Variants in RYR1 observed in about 807,000 individuals in gnomAD.
RYR1 encodes central core disease of muscle.
In RYR1, 342 loss-of-function variants were observed where a neutral mutation model predicts 583.5. The ratio of observed to expected loss-of-function variants is 0.59; its 90% CI spans 0.54 to 0.64. The LOEUF is 0.64. Among genes scored for constraint, RYR1 ranks in the 30% least tolerant of loss-of-function variants. The pLI is 0.00. For missense variants in RYR1, 6,032 were observed against 6,917.2 expected (o/e 0.87, Z 4.54); for synonymous variants, 2,791 against 2,822.5 (o/e 0.99, Z 0.35).
In RYR1 at chr19:38,585,075, G is replaced by A. The variant is rs193922892; in HGVS notation, c.14779G>A (p.Val4927Ile). 10 of 1,613,674 alleles carry A rather than the reference G, an allele frequency of 6.2e-6. No individual in the cohort carries two copies. Among genetic ancestry groups the A allele is most frequent in the Middle Eastern group, 1.6e-4 (1 of 6,084 alleles). ...FDITFFFFVI[V>I]ILLAIIQGLI... ...CATCACCTTCTTCTTCTTCGTCATC[G>A]TCATCCTGTTGGCCATCATCCAGGG... The change falls in exon 102 of 106, where the codon GTC (valine) becomes ATC (isoleucine). Residue 4927 changes from valine (V) to isoleucine (I), a missense_variant. Physicochemically the swap from Val to Ile is conservative, Grantham distance 29. Around this residue, in one of 11 missense-constraint regions of RYR1, gnomAD observed 189 missense variants for 350.3 expected, o/e 0.54. Transcript: ENST00000359596.
chr19:38,535,491 A>G (rs1193905691), intron 81 of RYR1, 99 bp downstream of exon 81: 5 of 915,072 alleles, frequency 5.5e-6, no homozygotes, highest in Non-Finnish European at 7.4e-6. Context: ...CTTTCAGTCC[A>G]GGGAAAGAGA....
chr19:38,463,622 G>A, intron 21 of RYR1, 95 bp downstream of exon 21: 1 of 1,456,208 alleles, frequency 6.9e-7, no homozygotes. Flanking sequence ...GGGACCACAG[G>A]GCACCAGGGG....
rs745957397 is a variant in RYR1, at chr19:38,561,333, G to T, written c.12503G>T (p.Ser4168Ile). The T allele has an allele frequency of 7.4e-6, 12 of 1,613,960 alleles. No individual in the cohort carries two copies. Among genetic ancestry groups the T allele is most frequent in the Non-Finnish European group, 9.3e-6 (11 of 1,180,032 alleles). ...CACAACTTCCTGGAGCTGGCCGAGA[G>T]CATCCTTGAGTACTTCCGCCCCTAC... ...RLHNFLELAE[S>I]ILEYFRPYLG... The change falls in exon 90 of 106, where the codon AGC becomes ATC. Residue 4168 changes from serine (S) to isoleucine (I), a missense_variant. Physicochemically the swap from Ser to Ile is moderately radical, Grantham distance 142. This residue lies in a region of RYR1 where 753 missense variants were observed against 759.6 expected (regional missense o/e 0.99). Transcript: ENST00000359596. This position sits in a 1 kb window ranked among gnomAD's most constrained non-coding sequence, Gnocchi z 4.8.
intron 33 of RYR1, 104 bp from the exon 34 acceptor site, chr19:38,485,486 T>A (rs1379795442): frequency 2.7e-6 from 4 of 1,476,318 alleles, no homozygotes; most frequent in Non-Finnish European, 3.7e-6. Context: ...GACGAATGAA[T>A]AAATGGGTGG....
intron 90 of RYR1, among the ~76,000 whole-genome samples, chr19:38,562,457 A>G (rs1216466151): frequency 6.6e-6 from 1 of 151,904 alleles, no homozygotes; most frequent in Non-Finnish European, 1.5e-5. Context: ...GTTGTTCCTC[A>G]GATGCCGCCA....
At chr19:38,527,174 A>G in intron 72 of RYR1, 122 bp downstream of exon 72, 1 of 1,119,452 alleles carries the variant, frequency 8.9e-7, no homozygotes, top group Non-Finnish European at 1.3e-6. Flanking sequence ...CAGGAGTTTG[A>G]GACCAGCCTG....
In RYR1 at chr19:38,502,618, G is replaced by A. The variant is rs767394054; in HGVS notation, c.7726G>A (p.Ala2576Thr). 3.1e-6 allele frequency: 5 copies of A among 1,612,858 alleles called. No homozygotes were observed. In the South Asian group the frequency reaches 3.3e-5, roughly 11 times the overall value. ...GCTCTTTGCGGGCACAGAACACCGC[G>A]CCATCATGGTGGACTCTATGCTGCA... ...APLFAGTEHR[A>T]IMVDSMLHTV... Residue 2576 changes from alanine to threonine, a missense_variant, in exon 48 of 106, where the codon GCC becomes ACC. Physicochemically the swap from Ala to Thr is moderately conservative, Grantham distance 58. Around this residue, in one of 11 missense-constraint regions of RYR1, gnomAD observed 250 missense variants for 162.3 expected, o/e 1.54. Coordinates refer to ENST00000359596, the MANE Select transcript of RYR1 (RefSeq NM_000540.3).
intron 27 of RYR1, 139 bp downstream of exon 27, chr19:38,469,652 C>T (rs992920802): frequency 7.6e-6 from 7 of 925,638 alleles, no homozygotes; most frequent in Middle Eastern, 4.2e-4. Flanking sequence ...GATGGGCTCA[C>T]GGGCTGTATG....
chr19:38,440,907 A>G (rs766834449), intron 2 of RYR1, 43 bp downstream of exon 2: 3 of 1,593,220 alleles, frequency 1.9e-6, no homozygotes, highest in Non-Finnish European at 2.6e-6. Context: ...GGGGCGTCTG[A>G]AGGGGCAGAG....
intron 101 of RYR1, among the ~76,000 whole-genome samples, chr19:38,584,083 C>T (rs565051461): frequency 1.3e-5 from 2 of 152,106 alleles, no homozygotes; most frequent in African/African-American, 4.8e-5. Context: ...CAGCTCACAC[C>T]TGCCTCCTCT....
chr19:38,566,860 T>A, intron 91 of RYR1, 51 bp from the exon 92 acceptor site: 5 of 1,567,286 alleles, frequency 3.2e-6, no homozygotes, highest in Non-Finnish European at 4.3e-6. Context: ...GCAGGCAGCC[T>A]GAGAAGCGCT....
chr19:38,458,129 C>G lies in RYR1; in HGVS notation c.2004C>G (p.Asp668Glu). 6.2e-7 allele frequency: 1 copy of G among 1,614,002 alleles called. No homozygotes were observed. ...AATGGTACTTTGAGGTGATGGTGGA[C>G]GAGGTGACTCCATTTCTGACAGCTC... ...YSKWYFEVMV[D>E]EVTPFLTAQA... is the part of the protein sequence containing the mutation. The change falls in exon 18 of 106, where the codon GAC becomes GAG. Residue 668 changes from aspartate to glutamate, a missense_variant. By Grantham distance (45) the Asp-to-Glu change is conservative (BLOSUM62 2). Around this residue, in one of 11 missense-constraint regions of RYR1, gnomAD observed 2,627 missense variants for 2,961.3 expected, o/e 0.89. Transcript: ENST00000359596.
intron 76 of RYR1, among the ~76,000 whole-genome samples, chr19:38,531,356 C>T (rs958085346): frequency 3.8e-4 from 57 of 151,952 alleles, no homozygotes; most frequent in Non-Finnish European, 4.3e-4. Context: ...AGTTCCCCCA[C>T]CGATAAAATA....
At chr19:38,442,286 A>T in intron 2 of RYR1, 63 bp from the exon 3 acceptor site, 1 of 1,090,554 alleles carries the variant, frequency 9.2e-7, no homozygotes, top group Non-Finnish European at 1.4e-6. Flanking sequence ...GGAGTGTGGC[A>T]GGGAATGTTG....
Position 38,517,518 on chromosome 19 carries a change from C to G in RYR1, c.9845C>G (p.Pro3282Arg). ...CTGCCCATGCTATGCAGCTACCTGC[C>G]CCGATGGTGGGAGCGCGGGCCCGAG... The part of the protein sequence containing the change: ...ITLPMLCSYL[P>R]RWWERGPEAP... The change falls in exon 66 of 106, where the codon CCC becomes CGC. Residue 3282 changes from proline (P) to arginine (R), a missense_variant. By Grantham distance (103) the Pro-to-Arg change is moderately radical (BLOSUM62 -2). Transcript: ENST00000359596. 6.2e-7 allele frequency: 1 copy of G among 1,614,048 alleles called. No homozygotes were observed. Among genetic ancestry groups the G allele is most frequent in the Non-Finnish European group, 8.5e-7 (1 of 1,179,996 alleles).
chr19:38,516,929 G>A lies in RYR1; in HGVS notation c.9686-430G>A, dbSNP rs1452526646. On this transcript the variant is annotated intron_variant, in intron 65 of 105. Coordinates refer to ENST00000359596, the MANE Select transcript of RYR1 (RefSeq NM_000540.3). Reference sequence around the variant, plus strand: ...AGCTGTTCTCCCAGAATGGCACCTGGCCCAGAGTCAGCAAGTGAGCAAGTG... The same window carrying A: ...AGCTGTTCTCCCAGAATGGCACCTGACCCAGAGTCAGCAAGTGAGCAAGTG... Among the ~76,000 whole-genome samples, 6 of 152,246 alleles carry A rather than the reference G, an allele frequency of 3.9e-5. No individual in the cohort carries two copies. In the South Asian group the frequency reaches 6.2e-4, roughly 16 times the overall value.
chr19:38,572,817 A>C (rs1407700104), intron 95 of RYR1, among the ~76,000 whole-genome samples: 11 of 107,614 alleles, frequency 1.0e-4, no homozygotes, highest in East Asian at 2.6e-4. Flanking sequence ...CAGCCCTGAC[A>C]CCCCTGCCTG....
At chr19:38,549,792 G>A (rs1349714390) in intron 89 of RYR1, among the ~76,000 whole-genome samples, 6 of 130,174 alleles carry the variant, frequency 4.6e-5, no homozygotes, top group Admixed American at 1.8e-4. Flanking sequence ...TGCAACCTCC[G>A]CCTCCTGGGT....
At chr19:38,540,950 GTAATAAACCTCCAATCATATATTACAGTA>G (rs1972165316) in intron 84 of RYR1, among the ~76,000 whole-genome samples, 8 of 143,080 alleles carry the variant, frequency 5.6e-5, no homozygotes, top group African/African-American at 1.5e-4. Flanking sequence ...ATACTACAGT[GTAATAAACCTCCAATCATATATTACAGTA>G]TAATAAACCC....
Sources: allele counts gnomAD v4.1 joint callset (sites outside exome capture counted in the v4.1 genomes callset), GRCh38; gene constraint gnomAD v4.1.1; regional missense constraint gnomAD v4.1.1; non-coding constraint Gnocchi (gnomAD v3.1); transcripts MANE v1.5; gene names NCBI Gene and HGNC (gene_info 2026-07-23, HGNC 2026-07-21).